SLC2A3: variants seen among roughly 807,000 people sequenced by gnomAD.
SLC2A3 encodes solute carrier family 2 member 3, also known as solute carrier family 2, facilitated glucose transporter member 3.
SLC2A3 carries 21 observed loss-of-function variants against 46.4 expected under a neutral mutation model. The observed-to-expected ratio is 0.45, with a 90% CI of 0.32 to 0.65. SLC2A3 has a LOEUF of 0.65. SLC2A3 is among the 30% of genes least tolerant of loss of function. SLC2A3 has a pLI of 0.04. For missense variants in SLC2A3, 499 were observed against 623.3 expected, an observed-to-expected ratio of 0.80 and a Z score of 2.12; for synonymous variants, 213 against 239.4, an observed-to-expected ratio of 0.89 and a Z score of 1.02.
intron 6 of SLC2A3, among the ~76,000 whole-genome samples, chr12:7,927,274 A>G (rs1946105704): frequency 6.6e-6 from 1 of 152,156 alleles, no homozygotes. Context: ...GATGGCGTCA[A>G]GCTTGTGGGG....
At position 7,933,897 on chromosome 12, in the gene SLC2A3, G is replaced by A. The variant is rs771823538; in HGVS notation, c.21C>T (p.Thr7=). 2.0e-5 allele frequency: 32 copies of A among 1,613,720 alleles called. No homozygotes were observed. The highest frequency in any genetic ancestry group is 2.6e-5 in the Non-Finnish European group (31 of 1,179,836). The change falls in exon 2 of 10, where the codon ACC becomes ACT. Residue 7 remains threonine, a synonymous_variant. Coordinates refer to ENST00000075120, the MANE Select transcript of SLC2A3 (RefSeq NM_006931.3). Reference sequence around the variant, plus strand: ...CTGTGATGGCAAATATCAGAGCTGGGGTGACCTGGAGGGAGGGAAGACAGA... The same window carrying A: ...CTGTGATGGCAAATATCAGAGCTGGAGTGACCTGGAGGGAGGGAAGACAGA... MGTQKV[T]PALIFAITVA...
At position 7,931,462 on chromosome 12, in the gene SLC2A3, T is replaced by C. The variant is rs1489040985; in HGVS notation, c.293A>G (p.Asn98Ser). 1.9e-6 allele frequency: 3 copies of C among 1,614,156 alleles called. No individual in the cohort carries two copies. The highest frequency in any genetic ancestry group is 1.1e-5 in the South Asian group (1 of 91,080). ...FGRRNSMLIV[N>S]LLAVTGGCFM... is the part of the protein sequence containing the mutation. ...GCAGCCACCAGTGACAGCCAACAGG[T>C]TGACAATCAGCATTGAATTGCGCCT... Residue 98 changes from asparagine (N) to serine (S), a missense_variant, in exon 4 of 10, where the codon AAC becomes AGC. Physicochemically the swap from Asn to Ser is conservative, Grantham distance 46. Coordinates refer to ENST00000075120, the MANE Select transcript of SLC2A3 (RefSeq NM_006931.3).
chr12:7,929,738 G>GGGC lies in SLC2A3; in HGVS notation c.804_806dup (p.Pro269dup). The GGGC allele has an allele frequency of 1.2e-6, 2 of 1,613,528 alleles. No individual in the cohort carries two copies. The highest frequency in any genetic ancestry group is 1.7e-6 in the Non-Finnish European group (2 of 1,179,642). On this transcript the variant is annotated inframe_insertion, in exon 6 of 10. Transcript: ENST00000075120. ...GCTGGAGCACAATGGAAATGATGAT[G>GGGC]GGCTGTCGGTAGCTGGACACTCTAA...
chr12:7,927,367 A>T (rs1946106507), intron 6 of SLC2A3, among the ~76,000 whole-genome samples: 1 of 152,138 alleles, frequency 6.6e-6, no homozygotes, highest in Non-Finnish European at 1.5e-5. Context: ...TTTCCTTAAC[A>T]TAATGTCTAC....
intron 1 of SLC2A3, 60 bp downstream of exon 1, chr12:7,935,953 ATTAATAT>A: frequency 7.8e-7 from 1 of 1,275,986 alleles, no homozygotes; most frequent in East Asian, 2.3e-5. Context: ...GGAGATTACC[ATTAATAT>A]TTGCCTTTCT....
Position 7,921,637 on chromosome 12 carries a change from G to GA in SLC2A3, c.1273-7dup. On this transcript the variant is annotated splice_region_variant and splice_polypyrimidine_tract_variant and intron_variant, in intron 9 of 9. Coordinates refer to ENST00000075120, the MANE Select transcript of SLC2A3 (RefSeq NM_006931.3). ...ACGTAGGCTCCTAAATAGTGCTAGA[G>GA]AAAGGACAGAAAAAAGGAAGGTTGA... The GA allele has an allele frequency of 6.2e-7, 1 of 1,608,286 alleles. No homozygotes were observed. Among genetic ancestry groups the GA allele is most frequent in the Middle Eastern group, 1.7e-4 (1 of 6,020 alleles).
At chr12:7,932,924 C>T (rs1271468199) in intron 3 of SLC2A3, 63 bp downstream of exon 3, 1 of 1,599,506 alleles carries the variant, frequency 6.3e-7, no homozygotes, top group Non-Finnish European at 8.5e-7. Flanking sequence ...TGCCCTAACT[C>T]TCCACACTTG....
Position 7,920,459 on chromosome 12 carries a change from T to C in SLC2A3, c.*954A>G, listed in dbSNP as rs879131303. 19 of 152,122 alleles carry C rather than the reference T, an allele frequency of 1.2e-4. No individual in the cohort carries two copies. The highest frequency in any genetic ancestry group is 3.9e-4 in the African/African-American group (16 of 41,412). The allele number at this position is 152,122 out of a possible 1,614,324, so 9.4% of individuals were successfully genotyped here. A position where few individuals can be genotyped will look rare whatever the true frequency, so the allele number is the denominator to read the frequency against. On this transcript the variant is annotated 3_prime_UTR_variant, in exon 10 of 10. Transcript: ENST00000075120. ...ATCCAAAATTAGAACCCATCAACCA[T>C]CATTAACTACAATGCCCATATTAGT...
At chr12:7,933,446 A>G in intron 2 of SLC2A3, 1 of 487,396 alleles carries the variant, frequency 2.1e-6, no homozygotes, top group South Asian at 2.6e-5. Context: ...CATCACTATG[A>G]GGTGAAAGAG....
chr12:7,920,251 A>G lies in SLC2A3; in HGVS notation c.*1162T>C, dbSNP rs1280616356. The G allele has an allele frequency of 2.6e-5, 4 of 152,230 alleles. No individual in the cohort carries two copies. Among genetic ancestry groups the G allele is most frequent in the African/African-American group, 9.7e-5 (4 of 41,380 alleles). 9.4% of individuals were successfully genotyped at this position (152,230 alleles called of 1,614,324 possible). On this transcript the variant is annotated 3_prime_UTR_variant, in exon 10 of 10. Coordinates refer to ENST00000075120, the MANE Select transcript of SLC2A3 (RefSeq NM_006931.3). ...CAACACCTAAAATCTCCTAAAGAACAAAGTGGAAAAATAATGAATCTCTAC... is the reference window on the plus strand; with the variant it reads ...CAACACCTAAAATCTCCTAAAGAACGAAGTGGAAAAATAATGAATCTCTAC...
intron 5 of SLC2A3, 85 bp downstream of exon 5, chr12:7,930,395 G>A: frequency 1.5e-6 from 2 of 1,330,870 alleles, no homozygotes; most frequent in South Asian, 2.7e-5. Flanking sequence ...GGGAAAGAGT[G>A]TAACAGAAAG....
intron 1 of SLC2A3, among the ~76,000 whole-genome samples, chr12:7,934,902 C>G (rs1274682215): frequency 2.6e-5 from 4 of 152,160 alleles, no homozygotes; most frequent in African/African-American, 7.2e-5. Flanking sequence ...TAGTAAAAAT[C>G]TCTTCTGTCT....
At chr12:7,930,897 C>T (rs1413251243) in intron 4 of SLC2A3, among the ~76,000 whole-genome samples, 1 of 149,816 alleles carries the variant, frequency 6.7e-6, no homozygotes, top group East Asian at 2.0e-4. Flanking sequence ...ACCGGGTTCA[C>T]GCCATTCTCC....
intron 1 of SLC2A3, 107 bp from the exon 2 acceptor site, chr12:7,934,009 T>C (rs1946187376): frequency 9.6e-7 from 1 of 1,042,814 alleles, no homozygotes; most frequent in Non-Finnish European, 1.4e-6. Flanking sequence ...TTATGAGTGG[T>C]ATGAAAAGAA....
At chr12:7,926,037 G>A (rs1006413417) in intron 6 of SLC2A3, 89 bp from the exon 7 acceptor site, 17 of 1,076,284 alleles carry the variant, frequency 1.6e-5, no homozygotes, top group African/African-American at 4.7e-5. Flanking sequence ...GTCCCAGTGG[G>A]TAAGAAGTCC....
chr12:7,931,545 T>C, intron 3 of SLC2A3, 60 bp from the exon 4 acceptor site: 2 of 1,604,228 alleles, frequency 1.2e-6, no homozygotes, highest in Non-Finnish European at 1.7e-6. Flanking sequence ...TAACTTCTCC[T>C]CTGTCCTCAT....
chr12:7,930,665 G>A (rs746048546), intron 4 of SLC2A3, 23 bp from the exon 5 acceptor site: 2 of 1,601,362 alleles, frequency 1.2e-6, no homozygotes, highest in Non-Finnish European at 1.7e-6. Flanking sequence ...CAAAGATAAT[G>A]CTATAAACCC....
At chr12:7,931,087 C>T (rs1199608144) in intron 4 of SLC2A3, among the ~76,000 whole-genome samples, 158 bp downstream of exon 4, 6 of 152,116 alleles carry the variant, frequency 3.9e-5, no homozygotes, top group South Asian at 2.1e-4. Flanking sequence ...TGAGCCACAG[C>T]GCCCGGCCTC....
rs1946019440 is a variant in SLC2A3, at chr12:7,920,011, G to C, written c.*1402C>G. 1 of 152,188 alleles carries C rather than the reference G, an allele frequency of 6.6e-6. No individual in the cohort carries two copies. Among genetic ancestry groups the C allele is most frequent in the South Asian group, 2.1e-4 (1 of 4,822 alleles). The allele number at this position is 152,188 out of a possible 1,614,324, so 9.4% of individuals were successfully genotyped here. ...CTGTCTAAACCTGGTTTATTGGAAA[G>C]ATTCAAGTCCCCTGAGGGCATTCGG... On this transcript the variant is annotated 3_prime_UTR_variant, in exon 10 of 10. Transcript: ENST00000075120.
Sources: allele counts gnomAD v4.1 joint callset (sites outside exome capture counted in the v4.1 genomes callset), GRCh38; gene constraint gnomAD v4.1.1; transcripts MANE v1.5; gene names NCBI Gene and HGNC (gene_info 2026-07-23, HGNC 2026-07-21).